ZNF92: variants seen among roughly 807,000 people sequenced by gnomAD.
The protein encoded by ZNF92 is zinc finger protein 92.
Under a neutral mutation model 12.4 loss-of-function variants are expected in ZNF92, and 11 were observed. The observed-to-expected ratio is 0.89, with a 90% confidence interval of 0.56 to 1.47. The LOEUF is 1.47. Among genes scored for constraint, ZNF92 ranks in the 40% most tolerant of loss-of-function variants. ZNF92 has a pLI of 0.00. For missense variants in ZNF92, 622 were observed against 681.0 expected, an observed-to-expected ratio of 0.91 and a Z score of 0.96; for synonymous variants, 206 against 228.6, an observed-to-expected ratio of 0.90 and a Z score of 0.89.
At chr7:65,379,305 T>C (rs992373584) in intron 1 of ZNF92, among the ~76,000 whole-genome samples, 1 of 152,098 alleles carries the variant, frequency 6.6e-6, no homozygotes, top group Non-Finnish European at 1.5e-5. Context: ...GAGAATTGCT[T>C]GGTGTTCACC....
intron 1 of ZNF92, among the ~76,000 whole-genome samples, chr7:65,377,956 A>G (rs997924451): frequency 6.6e-6 from 1 of 152,166 alleles, no homozygotes; most frequent in Non-Finnish European, 1.5e-5. Flanking sequence ...AGTACCAACT[A>G]CAAGATCTTT....
At chr7:65,395,501 C>G (rs931694608) in intron 3 of ZNF92, among the ~76,000 whole-genome samples, 1 of 152,088 alleles carries the variant, frequency 6.6e-6, no homozygotes, top group African/African-American at 2.4e-5. Context: ...TTTGGATGTT[C>G]ATGTTCTTCA....
chr7:65,390,654 C>T (rs181137785), intron 3 of ZNF92, among the ~76,000 whole-genome samples: 71 of 152,214 alleles, frequency 4.7e-4, no homozygotes, highest in Non-Finnish European at 8.7e-4. Context: ...GTAGTCGGGT[C>T]TGCATATAAT....
chr7:65,388,974 TCTTAG>T (rs1793642015), intron 3 of ZNF92, 73 bp downstream of exon 3: 2 of 1,336,028 alleles, frequency 1.5e-6, no homozygotes, highest in Non-Finnish European at 2.0e-6. Flanking sequence ...AGTCATTTTT[TCTTAG>T]TCGGAGTTTT....
chr7:65,375,372 A>G (rs962372637), intron 1 of ZNF92, among the ~76,000 whole-genome samples: 9 of 152,090 alleles, frequency 5.9e-5, no homozygotes, highest in Admixed American at 2.0e-4. Flanking sequence ...AACCTGAAGT[A>G]TGGAATGTAG....
intron 1 of ZNF92, among the ~76,000 whole-genome samples, chr7:65,377,066 TAATA>T (rs1049010395): frequency 2.2e-4 from 34 of 152,130 alleles, no homozygotes; most frequent in Non-Finnish European, 1.9e-4. Context: ...AATAATAAAA[TAATA>T]AATCTGTTGT....
rs2116421544 is a variant in ZNF92 at position 65,400,465 on chromosome 7, T to A, written c.*590T>A. The A allele has an allele frequency of 2.0e-5, 3 of 152,148 alleles. No homozygotes were observed. The Middle Eastern group carries it at 0.01, about 518-fold the overall frequency. 9.4% of individuals were successfully genotyped at this position (152,148 alleles called of 1,614,324 possible). On this transcript the variant is annotated 3_prime_UTR_variant, in exon 4 of 4. Transcript: ENST00000328747. ...TCAGAGAGTTCATACTAAAATATAT[T>A]TTTGCAGATGCAGTAAATATGAAAA... is the stretch of plus-strand genomic sequence containing the variant.
chr7:65,373,899 T>A lies in ZNF92; in HGVS notation c.-99T>A, dbSNP rs563234572. The A allele has an allele frequency of 1.9e-6, 3 of 1,546,806 alleles. No homozygotes were observed. In the South Asian group the frequency reaches 3.3e-5, roughly 17 times the overall value. On this transcript the variant is annotated 5_prime_UTR_variant, in exon 1 of 4. Transcript: ENST00000328747. ...GCTCCACGTCTAGTCTTCACTGCTCTGCGTCCTGTGCTGATAAAGGCTCGC... is the reference window on the plus strand; with the variant it reads ...GCTCCACGTCTAGTCTTCACTGCTCAGCGTCCTGTGCTGATAAAGGCTCGC...
intron 1 of ZNF92, among the ~76,000 whole-genome samples, chr7:65,374,925 T>G (rs192368659): frequency 3.3e-5 from 5 of 152,234 alleles, no homozygotes; most frequent in African/African-American, 4.8e-5. Context: ...TCCAGTTCCT[T>G]CTGACATTCC....
chr7:65,395,214 C>T (rs1428293853), intron 3 of ZNF92, among the ~76,000 whole-genome samples: 2 of 151,996 alleles, frequency 1.3e-5, no homozygotes, highest in East Asian at 1.9e-4. Flanking sequence ...ACTACCATGC[C>T]TGGCTAATAT....
chr7:65,393,189 C>T (rs532680703), intron 3 of ZNF92, among the ~76,000 whole-genome samples: 27 of 152,084 alleles, frequency 1.8e-4, no homozygotes, highest in African/African-American at 6.3e-4. Context: ...CTCTCCAGCC[C>T]TTGACAAACA....
intron 1 of ZNF92, among the ~76,000 whole-genome samples, chr7:65,375,353 T>C (rs1451827024): frequency 2.8e-4 from 43 of 152,100 alleles, no homozygotes; most frequent in Admixed American, 2.8e-3. Flanking sequence ...TCATTTTCTC[T>C]CGTAGAATAA....
At chr7:65,375,521 T>C (rs757610020) in intron 1 of ZNF92, among the ~76,000 whole-genome samples, 8 of 151,964 alleles carry the variant, frequency 5.3e-5, no homozygotes, top group Non-Finnish European at 4.4e-5. Flanking sequence ...ACATTGCTGG[T>C]CAGCCAATCA....
At chr7:65,389,003 A>G (rs1793642833) in intron 3 of ZNF92, 102 bp downstream of exon 3, 1 of 1,015,950 alleles carries the variant, frequency 9.8e-7, no homozygotes, top group Non-Finnish European at 1.4e-6. Flanking sequence ...CTTGTTGTCC[A>G]GGCTGGAGTG....
At position 65,397,974 on chromosome 7, in the gene ZNF92, G is replaced by C. The variant is rs542747004; in HGVS notation, c.227-367G>C. Among the ~76,000 whole-genome samples the C allele has an allele frequency of 7.9e-5, 12 of 152,228 alleles. No homozygotes were observed. In the South Asian group the frequency reaches 2.5e-3, roughly 32 times the overall value. ...GCCAAAAATAAAGATGTATGTGCCAGTATTTTTCTTGTCTTTTAAAAAGAA... is the reference window on the plus strand; with the variant it reads ...GCCAAAAATAAAGATGTATGTGCCACTATTTTTCTTGTCTTTTAAAAAGAA... On this transcript the variant is annotated intron_variant, in intron 3 of 3. Coordinates refer to ENST00000328747, the MANE Select transcript of ZNF92 (RefSeq NM_152626.4).
rs1325095227 is a variant in ZNF92, at chr7:65,400,560, T to G, written c.*685T>G. 6.6e-6 allele frequency: 1 copy of G among 152,044 alleles called. No individual in the cohort carries two copies. Among genetic ancestry groups the G allele is most frequent in the East Asian group, 1.9e-4 (1 of 5,202 alleles). The allele number at this position is 152,044 out of a possible 1,614,324, so 9.4% of individuals were successfully genotyped here. A position where few individuals can be genotyped will look rare whatever the true frequency, so the allele number is the denominator to read the frequency against. On this transcript the variant is annotated 3_prime_UTR_variant, in exon 4 of 4. Transcript: ENST00000328747. ...GTAGAAATCATAAGGCATAAGGCAC[T>G]GATACTTCAGACATTACACTAAATT...
At chr7:65,391,092 CCCT>C in intron 3 of ZNF92, among the ~76,000 whole-genome samples, 1 of 152,212 alleles carries the variant, frequency 6.6e-6, no homozygotes, top group South Asian at 2.1e-4. Flanking sequence ...TTTCACAACT[CCCT>C]CCCTGGATCT....
chr7:65,386,435 T>C (rs1215238294), intron 1 of ZNF92, among the ~76,000 whole-genome samples: 1 of 152,116 alleles, frequency 6.6e-6, no homozygotes, highest in Non-Finnish European at 1.5e-5. Context: ...CTATTGAATA[T>C]GGGAGGATGA....
Position 65,399,608 on chromosome 7 carries a change from A to G in ZNF92, c.1494A>G (p.Lys498=), listed in dbSNP as rs753491307. ...KAFNQSSIFT[K]HKIIHTEGKS... Reference sequence around the variant, plus strand: ...TTAACCAGTCCTCAATTTTTACTAAACATAAGATAATTCACACTGAAGGGA... The same window carrying G: ...TTAACCAGTCCTCAATTTTTACTAAGCATAAGATAATTCACACTGAAGGGA... The change falls in exon 4 of 4, where the codon AAA becomes AAG. Residue 498 remains lysine, a synonymous_variant. Transcript: ENST00000328747. 17 of 1,613,678 alleles carry G rather than the reference A, an allele frequency of 1.1e-5. No homozygotes were observed. Among genetic ancestry groups the G allele is most frequent in the Middle Eastern group, 3.3e-4 (2 of 6,082 alleles).
Sources: gnomAD v4.1 joint callset for allele counts (sites outside exome capture counted in the v4.1 genomes callset) on GRCh38, gnomAD v4.1.1 for gene constraint, MANE v1.5 for transcripts, NCBI Gene and HGNC (gene_info 2026-07-23, HGNC 2026-07-21) for gene names.